RPS6KC1: variants seen among roughly 807,000 people sequenced by gnomAD.
The protein encoded by RPS6KC1 is ribosomal protein S6 kinase C1.
In RPS6KC1, 54 loss-of-function variants were observed where a neutral mutation model predicts 103.8. The ratio of observed to expected loss-of-function variants is 0.52; its 90% CI spans 0.42 to 0.65. The LOEUF is 0.65. RPS6KC1 is among the 30% of genes least tolerant of loss of function. RPS6KC1 has a pLI of 0.00. For synonymous variants in RPS6KC1, 439 were observed against 438.7 expected (o/e 1.00, Z -0.01); for missense variants, 1,151 against 1,253.8 (o/e 0.92, Z 1.24).
chr1:213,555,665 C>G, the RPS6KC1 span, among the ~76,000 whole-genome samples: 322 of 152,234 alleles, frequency 2.1e-3, 8 homozygotes, highest in East Asian at 0.052. Flanking sequence ...TTTCAACAGG[C>G]TGTAGTGCTG....
At chr1:213,363,671 TTTCTTTCTTTCTTTC>T in the RPS6KC1 span, among the ~76,000 whole-genome samples, 2 of 100,656 alleles carry the variant, frequency 2.0e-5, 1 homozygote, top group South Asian at 5.8e-4. Context: ...TCTTTCTTTC[TTTCTTTCTTTCTTTC>T]TTTCTTTCTT....
At chr1:213,331,088 T>C in the RPS6KC1 span, among the ~76,000 whole-genome samples, 8 of 152,228 alleles carry the variant, frequency 5.3e-5, no homozygotes, top group Admixed American at 6.5e-5. Flanking sequence ...GCCATTGCAT[T>C]GTACATGGTT....
At chr1:213,608,942 T>C in the RPS6KC1 span, among the ~76,000 whole-genome samples, 1 of 152,244 alleles carries the variant, frequency 6.6e-6, no homozygotes, top group African/African-American at 2.4e-5. Context: ...TTTTCATTTT[T>C]AGGTGTACAA....
At chr1:213,112,750 T>A (rs1412240976) in intron 4 of RPS6KC1, among the ~76,000 whole-genome samples, 1 of 151,712 alleles carries the variant, frequency 6.6e-6, no homozygotes, top group Non-Finnish European at 1.5e-5. Context: ...GAGTGTGATG[T>A]TCCCCTTCCT....
intron 5 of RPS6KC1, among the ~76,000 whole-genome samples, chr1:213,126,596 A>G (rs1449576925): frequency 6.6e-6 from 1 of 152,144 alleles, no homozygotes; most frequent in African/African-American, 2.4e-5. Context: ...TGGCAAAACT[A>G]TGTTCTATGG....
intron 10 of RPS6KC1, among the ~76,000 whole-genome samples, chr1:213,240,205 C>G (rs2094319227): frequency 6.6e-6 from 1 of 152,066 alleles, no homozygotes; most frequent in Admixed American, 6.6e-5. Flanking sequence ...TGCCAAATTC[C>G]TCCAATCCTG....
At chr1:213,520,217 C>T in the RPS6KC1 span, among the ~76,000 whole-genome samples, 1 of 152,110 alleles carries the variant, frequency 6.6e-6, no homozygotes. Context: ...TTAATGGACT[C>T]ACAGTTCTGG....
the RPS6KC1 span, among the ~76,000 whole-genome samples, chr1:213,385,709 A>T: frequency 1.3e-5 from 2 of 152,100 alleles, no homozygotes; most frequent in Non-Finnish European, 2.9e-5. Context: ...ATGACAGTAG[A>T]CCTCACCAGG....
intron 8 of RPS6KC1, among the ~76,000 whole-genome samples, chr1:213,199,657 C>T (rs1209047497): frequency 6.6e-6 from 1 of 152,120 alleles, no homozygotes; most frequent in East Asian, 1.9e-4. Context: ...GGTAATCAGG[C>T]AAGAGAAAGA....
chr1:213,837,867 A>G, the RPS6KC1 span, among the ~76,000 whole-genome samples: 11 of 152,032 alleles, frequency 7.2e-5, no homozygotes, highest in African/African-American at 2.7e-4. Flanking sequence ...CTTTTTTTTT[A>G]AACAAAGCTG....
chr1:213,815,872 C>T, the RPS6KC1 span, among the ~76,000 whole-genome samples: 2 of 152,220 alleles, frequency 1.3e-5, no homozygotes, highest in Non-Finnish European at 2.9e-5. Context: ...CACATGCCTT[C>T]CTCACTAAGC....
At chr1:213,740,675 A>ACC in the RPS6KC1 span, among the ~76,000 whole-genome samples, 2 of 151,314 alleles carry the variant, frequency 1.3e-5, no homozygotes, top group African/African-American at 4.8e-5. Flanking sequence ...ACACATATAT[A>ACC]TCTCTCAGAT....
At chr1:213,167,786 G>A in intron 6 of RPS6KC1, 72 bp from the exon 7 acceptor site, 1 of 820,834 alleles carries the variant, frequency 1.2e-6, no homozygotes, top group East Asian at 2.6e-5. Context: ...AGTGTATTGG[G>A]TAGAAGGAAG....
chr1:213,155,530 A>T (rs1396342395), intron 6 of RPS6KC1, among the ~76,000 whole-genome samples: 1 of 151,910 alleles, frequency 6.6e-6, no homozygotes, highest in East Asian at 1.9e-4. Context: ...TTTTGCTCTA[A>T]CAGGACAGCA....
chr1:213,362,616 A>G, the RPS6KC1 span, among the ~76,000 whole-genome samples: 3 of 152,172 alleles, frequency 2.0e-5, no homozygotes, highest in African/African-American at 7.2e-5. Context: ...GATTACATAT[A>G]TATCGTTAAG....
the RPS6KC1 span, among the ~76,000 whole-genome samples, chr1:213,490,535 G>A: frequency 1.3e-5 from 2 of 152,172 alleles, no homozygotes; most frequent in East Asian, 1.9e-4. Flanking sequence ...CCTGGGTGTC[G>A]GACAATGGTT....
the RPS6KC1 span, among the ~76,000 whole-genome samples, chr1:213,859,319 C>A: frequency 6.6e-6 from 1 of 152,178 alleles, no homozygotes; most frequent in South Asian, 2.1e-4. Context: ...TATTCATATT[C>A]ATTTAGCAAA....
rs575473929 is a variant in RPS6KC1 at position 213,161,905 on chromosome 1, G to A, written c.836-5953G>A. On this transcript the variant is annotated intron_variant, in intron 6 of 14. Coordinates refer to ENST00000366960, the MANE Select transcript of RPS6KC1 (RefSeq NM_012424.6). ...CAATTATTGGACTCTAGATTCTTCC[G>A]TAGATTTTCTACTTCTCTTAAGATG... Among the ~76,000 whole-genome samples, 47 of 152,208 alleles carry A rather than the reference G, an allele frequency of 3.1e-4. 1 individual carries two copies. The highest frequency in any genetic ancestry group is 1.4e-3 in the East Asian group (7 of 5,178).
intron 6 of RPS6KC1, among the ~76,000 whole-genome samples, chr1:213,133,010 C>T (rs114787744): frequency 0.047 from 7,180 of 152,256 alleles, 257 homozygotes; most frequent in South Asian, 0.091. Flanking sequence ...CAACAGCTCT[C>T]TTTGCCCATC....
Sources: allele counts gnomAD v4.1 joint callset (sites outside exome capture counted in the v4.1 genomes callset), GRCh38; gene constraint gnomAD v4.1.1; transcripts MANE v1.5; gene names NCBI Gene and HGNC (gene_info 2026-07-23, HGNC 2026-07-21).